The following CCDC83 variants were observed in gnomAD, a reference collection of about 807,000 sequenced individuals.
CCDC83 encodes coiled-coil domain containing 83.
CCDC83 carries 54 observed loss-of-function variants against 50.1 expected under a neutral mutation model. The ratio of observed to expected loss-of-function variants is 1.08; its 90% CI spans 0.87 to 1.35. The LOEUF is 1.35. Ranked by LOEUF, CCDC83 falls within the 40% of genes most tolerant of loss-of-function variation. The probability of loss-of-function intolerance (pLI) is 0.00; values close to 1 mark genes in which losing one functional copy is unlikely to be tolerated. For missense variants in CCDC83, 518 were observed against 473.9 expected, an observed-to-expected ratio of 1.09 and a Z score of -0.86; for synonymous variants, 161 against 153.3, an observed-to-expected ratio of 1.05 and a Z score of -0.37.
At chr11:85,912,805 T>G in intron 8 of CCDC83, 1 of 985,876 alleles carries the variant, frequency 1.0e-6, no homozygotes, top group Non-Finnish European at 1.6e-6. Flanking sequence ...CTGAACTGGC[T>G]AATCTTTAGG....
At chr11:85,874,156 G>C (rs1426656823) in intron 3 of CCDC83, among the ~76,000 whole-genome samples, 1 of 152,148 alleles carries the variant, frequency 6.6e-6, no homozygotes, top group Non-Finnish European at 1.5e-5. Context: ...TGTTCATTCA[G>C]TACATATTTA....
chr11:85,919,394 G>A lies in CCDC83; in HGVS notation c.1126G>A (p.Glu376Lys). 6.2e-7 allele frequency: 1 copy of A among 1,613,746 alleles called. No individual in the cohort carries two copies. Among genetic ancestry groups the A allele is most frequent in the Non-Finnish European group, 8.5e-7 (1 of 1,179,848 alleles). The change falls in exon 11 of 11, where the codon GAG becomes AAG. Residue 376 changes from glutamate to lysine, a missense_variant. Glu to Lys is a moderately conservative substitution (Grantham distance 56, BLOSUM62 1). Transcript: ENST00000342404. The stretch of plus-strand genomic sequence containing the variant: ...CCTGGGAGTGAAGCTTATGAGTGTG[G>A]AGAGCAAGAAAATGCCCATTCATTT... The part of the protein sequence containing the change: ...GPLGVKLMSV[E>K]SKKMPIHFQE...
At chr11:85,902,720 CAG>C (rs2093407719) in intron 7 of CCDC83, among the ~76,000 whole-genome samples, 1 of 152,128 alleles carries the variant, frequency 6.6e-6, no homozygotes. Flanking sequence ...TGTGTATACT[CAG>C]GGGATTTGTT....
rs1334419251 is a variant in CCDC83 at position 85,861,695 on chromosome 11, G to A, written c.-28-3401G>A. 5.9e-5 allele frequency among the ~76,000 whole-genome samples: 9 copies of A among 152,130 alleles called. No homozygotes were observed. In the South Asian group the frequency reaches 1.0e-3, roughly 18 times the overall value. On this transcript the variant is annotated intron_variant, in intron 1 of 10. Transcript: ENST00000342404. ...CATTGGGAGGCTTCTGGATATTCAC[G>A]CCTTCACAAAGTCATTAAAATAGTC...
Position 85,882,668 on chromosome 11 carries a change from C to A in CCDC83, c.336C>A (p.Asn112Lys). 1 of 1,613,362 alleles carries A rather than the reference C, an allele frequency of 6.2e-7. No homozygotes were observed. The highest frequency in any genetic ancestry group is 8.5e-7 in the Non-Finnish European group (1 of 1,179,680). Residue 112 changes from asparagine to lysine, a missense_variant, in exon 4 of 11, where the codon AAC becomes AAA. By Grantham distance (94) the Asn-to-Lys change is moderately conservative (BLOSUM62 0). Coordinates refer to ENST00000342404, the MANE Select transcript of CCDC83 (RefSeq NM_001286159.2). ...KWKFERDQEK[N>K]LRDMRMQISN... Reference sequence around the variant, plus strand: ...AGTTTGAAAGAGACCAGGAAAAAAACTTGAGAGGTGATTTAGGAACATAGA... The same window carrying A: ...AGTTTGAAAGAGACCAGGAAAAAAAATTGAGAGGTGATTTAGGAACATAGA...
intron 3 of CCDC83, among the ~76,000 whole-genome samples, chr11:85,874,435 G>T (rs183401600): frequency 6.6e-6 from 1 of 152,278 alleles, no homozygotes; most frequent in Admixed American, 6.5e-5. Flanking sequence ...TTTCCCCTTA[G>T]CCCATCATTT....
Position 85,919,682 on chromosome 11 carries a change from A to G in CCDC83, c.*172A>G, listed in dbSNP as rs1227777443. ...GGTATTCAGCTATTCATTTACTTGC[A>G]TGGTATGAGTGACCAAAACGGAAGC... On this transcript the variant is annotated 3_prime_UTR_variant, in exon 11 of 11. Transcript: ENST00000342404. 1.7e-6 allele frequency: 1 copy of G among 588,056 alleles called. No homozygotes were observed. Among genetic ancestry groups the G allele is most frequent in the East Asian group, 3.0e-5 (1 of 33,706 alleles). 36.4% of individuals were successfully genotyped at this position (588,056 alleles called of 1,614,324 possible).
intron 1 of CCDC83, among the ~76,000 whole-genome samples, chr11:85,863,578 CAGACAT>C (rs779343327): frequency 1.3e-5 from 2 of 152,216 alleles, no homozygotes; most frequent in Non-Finnish European, 2.9e-5. Flanking sequence ...AGAAAAGTCA[CAGACAT>C]AAAGACAGCC....
At chr11:85,891,924 T>A (rs186982053) in intron 5 of CCDC83, among the ~76,000 whole-genome samples, 188 of 152,062 alleles carry the variant, frequency 1.2e-3, no homozygotes, top group African/African-American at 4.4e-3. Context: ...CTTCAAATAG[T>A]CCCCCTGAAT....
At chr11:85,881,364 C>T (rs1046026715) in intron 3 of CCDC83, among the ~76,000 whole-genome samples, 2 of 150,996 alleles carry the variant, frequency 1.3e-5, no homozygotes, top group African/African-American at 2.4e-5. Context: ...CAGAGCAAGA[C>T]TCCATCCCCC....
At chr11:85,911,221 G>C (rs372293891) in intron 7 of CCDC83, 60 bp from the exon 8 acceptor site, 2 of 1,141,226 alleles carry the variant, frequency 1.8e-6, no homozygotes, top group African/African-American at 3.3e-5. Context: ...ATAAAGAAAA[G>C]AAAACTTAAT....
At chr11:85,891,763 T>A (rs112971818) in intron 5 of CCDC83, among the ~76,000 whole-genome samples, 3,358 of 152,288 alleles carry the variant, frequency 0.022, 144 homozygotes, top group African/African-American at 0.076. Flanking sequence ...TGTCTAATCC[T>A]TACAAGTTCC....
In CCDC83 at chr11:85,895,274, T is replaced by G. The variant is rs751744817; in HGVS notation, c.512-19T>G. 1 of 758,100 alleles carries G rather than the reference T, an allele frequency of 1.3e-6. No homozygotes were observed. Among genetic ancestry groups the G allele is most frequent in the African/African-American group, 2.7e-5 (1 of 36,964 alleles). The allele number at this position is 758,100 out of a possible 1,614,324, so 47.0% of individuals were successfully genotyped here. On this transcript the variant is annotated intron_variant, in intron 5 of 10. Coordinates refer to ENST00000342404, the MANE Select transcript of CCDC83 (RefSeq NM_001286159.2). ...AAGGCTTTTAATTTTCTTTTTTTTTTTTTTTTTTTTTTTTAAAGAACACTA... is the reference window on the plus strand; with the variant it reads ...AAGGCTTTTAATTTTCTTTTTTTTTGTTTTTTTTTTTTTTAAAGAACACTA...
At position 85,919,901 on chromosome 11, in the gene CCDC83, A is replaced by T. The variant is rs910790347; in HGVS notation, c.*391A>T. The stretch of plus-strand genomic sequence containing the variant: ...TGTCTACACATCTTTCCCTCTGAGG[A>T]TGCTCAATGTGATAGACAGCCAGTC... On this transcript the variant is annotated 3_prime_UTR_variant, in exon 11 of 11. Coordinates refer to ENST00000342404, the MANE Select transcript of CCDC83 (RefSeq NM_001286159.2). 5.1e-6 allele frequency: 1 copy of T among 196,224 alleles called. No homozygotes were observed. The highest frequency in any genetic ancestry group is 1.0e-5 in the Non-Finnish European group (1 of 98,152). The allele number at this position is 196,224 out of a possible 1,614,324, so 12.2% of individuals were successfully genotyped here.
chr11:85,879,392 T>C (rs2093286458), intron 3 of CCDC83, among the ~76,000 whole-genome samples: 1 of 152,162 alleles, frequency 6.6e-6, no homozygotes. Context: ...TTGATAAAGC[T>C]CTCTTTCCTG....
Position 85,862,485 on chromosome 11 carries a change from G to GCTT in CCDC83, c.-28-2608_-28-2606dup. 2.0e-5 allele frequency among the ~76,000 whole-genome samples: 3 copies of GCTT among 152,302 alleles called. No homozygotes were observed. In the South Asian group the frequency reaches 6.2e-4, roughly 32 times the overall value. On this transcript the variant is annotated intron_variant, in intron 1 of 10. Coordinates refer to ENST00000342404, the MANE Select transcript of CCDC83 (RefSeq NM_001286159.2). ...TTTTTTTAAAGTTCTGCTGCAGTGTGCTTCTGTCTTCCTATCTGTCTGAGA... is the reference window on the plus strand; with the variant it reads ...TTTTTTTAAAGTTCTGCTGCAGTGTGCTTCTTCTGTCTTCCTATCTGTCTGAGA...
intron 7 of CCDC83, among the ~76,000 whole-genome samples, chr11:85,906,790 T>C (rs1016471889): frequency 6.9e-6 from 1 of 145,884 alleles, no homozygotes; most frequent in Non-Finnish European, 1.6e-5. Context: ...GAGGCCGAGA[T>C]AGGAGCATCA....
At chr11:85,884,263 GA>G (rs1456873621) in intron 4 of CCDC83, among the ~76,000 whole-genome samples, 1 of 152,176 alleles carries the variant, frequency 6.6e-6, no homozygotes, top group Admixed American at 6.5e-5. Flanking sequence ...TAAGAGAACA[GA>G]AGTGTCTGGA....
rs3213935 is a variant in CCDC83, at chr11:85,916,200, G to C, written c.1047G>C (p.Lys349Asn). ...CAGAGTTTGGGGACACTGATATGAA[G>C]TACTTACTATATGAGGATGAGAAGG... is the stretch of plus-strand genomic sequence containing the variant. Reference protein sequence around the residue: ...SGTEFGDTDMKYLLYEDEKDF... With the variant: ...SGTEFGDTDMNYLLYEDEKDF... The change falls in exon 10 of 11, where the codon AAG becomes AAC. Residue 349 changes from lysine (K) to asparagine (N), a missense_variant. Coordinates refer to ENST00000342404, the MANE Select transcript of CCDC83 (RefSeq NM_001286159.2). 2 of 1,612,304 alleles carry C rather than the reference G, an allele frequency of 1.2e-6. No homozygotes were observed. The highest frequency in any genetic ancestry group is 1.1e-5 in the South Asian group (1 of 90,806).
Sources: gnomAD v4.1 joint callset for allele counts (sites outside exome capture counted in the v4.1 genomes callset) on GRCh38, gnomAD v4.1.1 for gene constraint, MANE v1.5 for transcripts, NCBI Gene and HGNC (gene_info 2026-07-23, HGNC 2026-07-21) for gene names.